The following MPHOSPH9 variants were observed in gnomAD, a reference collection of about 807,000 sequenced individuals.
MPHOSPH9 encodes the protein M-phase phosphoprotein 9.
In MPHOSPH9, 88 loss-of-function variants were observed where a neutral mutation model predicts 145.5. The observed-to-expected ratio is 0.60, with a 90% CI of 0.51 to 0.72. MPHOSPH9 has a LOEUF of 0.72. MPHOSPH9 is among the 30% of genes least tolerant of loss of function. The pLI is 0.00. For synonymous variants in MPHOSPH9, 435 were observed against 486.2 expected (o/e 0.89, Z 1.39); for missense variants, 1,238 against 1,386.6 (o/e 0.89, Z 1.70).
At chr12:123,172,774 G>A (rs555575318) in intron 16 of MPHOSPH9, among the ~76,000 whole-genome samples, 63 of 151,876 alleles carry the variant, frequency 4.1e-4, no homozygotes, top group African/African-American at 1.5e-3. Flanking sequence ...CTGCCAACTC[G>A]GTCTCTGCCA....
chr12:123,168,456 C>A (rs558273065), intron 16 of MPHOSPH9, among the ~76,000 whole-genome samples: 1 of 151,924 alleles, frequency 6.6e-6, no homozygotes, highest in African/African-American at 2.4e-5. Flanking sequence ...ATTCTCCTGC[C>A]TCAGCCTCCC....
intron 6 of MPHOSPH9, among the ~76,000 whole-genome samples, chr12:123,216,052 A>G (rs771367418): frequency 1.3e-5 from 2 of 152,194 alleles, no homozygotes; most frequent in Middle Eastern, 3.4e-3. Flanking sequence ...CCTGGCTAAC[A>G]CGGTGAAACC....
intron 5 of MPHOSPH9, among the ~76,000 whole-genome samples, 190 bp from the exon 6 acceptor site, chr12:123,218,689 A>G (rs551035582): frequency 6.6e-6 from 1 of 152,094 alleles, no homozygotes; most frequent in East Asian, 1.9e-4. Flanking sequence ...TCGCCCAGCT[A>G]ATTTTTGTAT....
chr12:123,204,956 AG>A (rs1851793452), intron 8 of MPHOSPH9, among the ~76,000 whole-genome samples: 1 of 152,186 alleles, frequency 6.6e-6, no homozygotes, highest in Non-Finnish European at 1.5e-5. Context: ...TGTTGCAGAG[AG>A]GTCTAGGCTC....
chr12:123,228,580 C>A (rs2047519741), intron 2 of MPHOSPH9, among the ~76,000 whole-genome samples: 1 of 151,984 alleles, frequency 6.6e-6, no homozygotes, highest in Non-Finnish European at 1.5e-5. Context: ...CCCAGCCAAT[C>A]AGGAGGCTGA....
chr12:123,168,344 T>C (rs1301307269), intron 16 of MPHOSPH9, among the ~76,000 whole-genome samples: 1 of 149,358 alleles, frequency 6.7e-6, no homozygotes, highest in Non-Finnish European at 1.5e-5. Flanking sequence ...TGACTTTCTT[T>C]TTTTTTTTTT....
chr12:123,165,850 T>A (rs1288552441), intron 17 of MPHOSPH9, among the ~76,000 whole-genome samples: 1 of 152,198 alleles, frequency 6.6e-6, no homozygotes, highest in Non-Finnish European at 1.5e-5. Context: ...TCTACGGTAA[T>A]TTGTTATAAC....
intron 3 of MPHOSPH9, chr12:123,226,494 T>C (rs1185256368): frequency 1.6e-5 from 3 of 188,302 alleles, no homozygotes; most frequent in Non-Finnish European, 3.1e-5. Context: ...TCTTGAGCAT[T>C]ATCCTATGAA....
intron 13 of MPHOSPH9, among the ~76,000 whole-genome samples, chr12:123,187,957 C>G (rs916133403): frequency 1.3e-5 from 2 of 152,096 alleles, no homozygotes; most frequent in African/African-American, 2.4e-5. Flanking sequence ...GAAACTGTCT[C>G]TAGTAAAAAT....
At chr12:123,225,033 A>G (rs1322346173) in intron 3 of MPHOSPH9, among the ~76,000 whole-genome samples, 1 of 152,062 alleles carries the variant, frequency 6.6e-6, no homozygotes, top group Non-Finnish European at 1.5e-5. Context: ...TTTCTCCTTT[A>G]TGTCACATTT....
In MPHOSPH9 at chr12:123,221,878, T is replaced by A. The variant is rs1248403480; in HGVS notation, c.366A>T (p.Ile122=). ...HNQIQHIQEE[I]KNLVKLQTSS... is the part of the protein sequence containing the mutation. The stretch of plus-strand genomic sequence containing the variant: ...TAGTCTGTAATTTGACTAAATTTTT[T>A]ATCTCCTCCTGTATATGCTGGAAAT... The change falls in exon 5 of 24, where the codon ATA becomes ATT. Residue 122 remains isoleucine, a synonymous_variant. Transcript: ENST00000606320. The A allele has an allele frequency of 6.4e-7, 1 of 1,573,476 alleles. No homozygotes were observed. The highest frequency in any genetic ancestry group is 8.6e-7 in the Non-Finnish European group (1 of 1,160,782).
At chr12:123,217,649 T>C (rs2047023694) in intron 6 of MPHOSPH9, among the ~76,000 whole-genome samples, 2 of 152,356 alleles carry the variant, frequency 1.3e-5, no homozygotes, top group East Asian at 1.9e-4. Flanking sequence ...TGATTCATTT[T>C]CATAATATTT....
chr12:123,215,073 C>A (rs937404732), intron 6 of MPHOSPH9, among the ~76,000 whole-genome samples: 1 of 152,170 alleles, frequency 6.6e-6, no homozygotes, highest in Non-Finnish European at 1.5e-5. Context: ...GAAACCCCGT[C>A]TCTACTAAAA....
At chr12:123,221,968 T>C in intron 4 of MPHOSPH9, 73 bp from the exon 5 acceptor site, 1 of 786,444 alleles carries the variant, frequency 1.3e-6, no homozygotes, top group Non-Finnish European at 2.0e-6. Flanking sequence ...GTTACAAGAA[T>C]ATCATGTTTC....
At chr12:123,242,276 C>A (rs1164231039) in intron 1 of MPHOSPH9, among the ~76,000 whole-genome samples, 1 of 152,154 alleles carries the variant, frequency 6.6e-6, no homozygotes, top group Non-Finnish European at 1.5e-5. Context: ...GGTAGAGCGC[C>A]AGCCCTACGC....
Position 123,194,372 on chromosome 12 carries a change from T to C in MPHOSPH9, c.2241+14A>G, listed in dbSNP as rs1224765943. The C allele has an allele frequency of 1.3e-6, 2 of 1,513,842 alleles. No homozygotes were observed. Among genetic ancestry groups the C allele is most frequent in the Admixed American group, 2.0e-5 (1 of 50,792 alleles). 93.8% of individuals were successfully genotyped at this position (1,513,842 alleles called of 1,614,324 possible). A position where few individuals can be genotyped will look rare whatever the true frequency, so the allele number is the denominator to read the frequency against. On this transcript the variant is annotated intron_variant, in intron 13 of 23. Coordinates refer to ENST00000606320, the MANE Select transcript of MPHOSPH9 (RefSeq NM_022782.4). The stretch of plus-strand genomic sequence containing the variant: ...GCCAATCACGTCATTAAGTTACTAT[T>C]ATTCGCTACTTACATCTTGAAACAT...
intron 4 of MPHOSPH9, 40 bp downstream of exon 4, chr12:123,222,998 A>T: frequency 9.6e-7 from 1 of 1,046,370 alleles, no homozygotes; most frequent in Non-Finnish European, 1.4e-6. Flanking sequence ...ACGTATGTAT[A>T]TGTATATAAA....
intron 1 of MPHOSPH9, among the ~76,000 whole-genome samples, chr12:123,231,550 G>C (rs554007567): frequency 6.6e-6 from 1 of 152,022 alleles, no homozygotes; most frequent in African/African-American, 2.4e-5. Flanking sequence ...GGGCACACTG[G>C]AGCCTGCCTG....
rs141352645 is a variant in MPHOSPH9, at chr12:123,172,861, T to C, written c.2456+3827A>G. Among the ~76,000 whole-genome samples, 164 of 148,434 alleles carry C rather than the reference T, an allele frequency of 1.1e-3. 2 individuals carry two copies. The highest frequency in any genetic ancestry group is 9.9e-3 in the Admixed American group (143 of 14,450). Reference sequence around the variant, plus strand: ...ATATTCCAGCTGTTAGACTTTCAGGTTTTCATTCACTTTTTTTTTTTTTTT... The same window carrying C: ...ATATTCCAGCTGTTAGACTTTCAGGCTTTCATTCACTTTTTTTTTTTTTTT... On this transcript the variant is annotated intron_variant, in intron 16 of 23. Transcript: ENST00000606320.
Sources: allele counts gnomAD v4.1 joint callset (sites outside exome capture counted in the v4.1 genomes callset), GRCh38; gene constraint gnomAD v4.1.1; transcripts MANE v1.5; gene names NCBI Gene and HGNC (gene_info 2026-07-23, HGNC 2026-07-21).